LIN7A: variants seen among roughly 807,000 people sequenced by gnomAD.
LIN7A encodes protein lin-7 homolog A.
Under a neutral mutation model 29.8 loss-of-function variants are expected in LIN7A, and 25 were observed. The ratio of observed to expected loss-of-function variants is 0.84; its 90% confidence interval spans 0.61 to 1.17. The LOEUF is 1.17. Among genes scored for constraint, LIN7A ranks in the 50% most tolerant of loss-of-function variants. The pLI, the probability that LIN7A is intolerant of heterozygous loss-of-function variation, is 0.00. For missense variants in LIN7A, 239 were observed against 287.0 expected (o/e 0.83, Z 1.21); for synonymous variants, 118 against 107.5 (o/e 1.10, Z -0.60).
At chr12:80,801,826 T>A (rs776468923) in intron 5 of LIN7A, among the ~76,000 whole-genome samples, 1 of 152,064 alleles carries the variant, frequency 6.6e-6, no homozygotes, top group Non-Finnish European at 1.5e-5. Flanking sequence ...CTTCTCCCCT[T>A]TCTTTCCCCG....
intron 1 of LIN7A, among the ~76,000 whole-genome samples, chr12:80,904,204 C>T (rs1876362473): frequency 1.3e-5 from 2 of 152,010 alleles, no homozygotes; most frequent in South Asian, 4.1e-4. Context: ...ATTGCACACA[C>T]ATTATATACA....
intron 1 of LIN7A, among the ~76,000 whole-genome samples, chr12:80,906,403 C>T (rs1268096776): frequency 6.6e-6 from 1 of 152,142 alleles, no homozygotes; most frequent in Non-Finnish European, 1.5e-5. Context: ...AGAGTGGATT[C>T]ACCTAGTGAT....
chr12:80,900,643 T>C (rs1283322854), intron 1 of LIN7A, among the ~76,000 whole-genome samples: 2 of 152,196 alleles, frequency 1.3e-5, no homozygotes, highest in Non-Finnish European at 2.9e-5. Flanking sequence ...ATGATGTTGG[T>C]TTTTTAATTT....
At chr12:80,832,106 G>C (rs1363854907) in intron 4 of LIN7A, among the ~76,000 whole-genome samples, 1 of 152,126 alleles carries the variant, frequency 6.6e-6, no homozygotes, top group Non-Finnish European at 1.5e-5. Context: ...GTGAGGCTTT[G>C]GCATATTTCT....
chr12:80,930,264 G>T (rs961081149), intron 1 of LIN7A, among the ~76,000 whole-genome samples: 2 of 152,040 alleles, frequency 1.3e-5, no homozygotes, highest in African/African-American at 4.8e-5. Flanking sequence ...AATCCCTCAT[G>T]ATTTTTTTCA....
chr12:80,937,765 CG>C lies in LIN7A; in HGVS notation c.-44del, dbSNP rs1878327958. ...GAGAAAAAAAGGAGGAGATTGGGGG[CG>C]GGGGTGGAGAGGGAAGACGGAAAGG... is the stretch of plus-strand genomic sequence containing the variant. On this transcript the variant is annotated 5_prime_UTR_variant, in exon 1 of 6. Coordinates refer to ENST00000552864, the MANE Select transcript of LIN7A (RefSeq NM_004664.4). The C allele has an allele frequency of 3.8e-5, 5 of 131,648 alleles. No homozygotes were observed. Among genetic ancestry groups the C allele is most frequent in the Admixed American group, 2.5e-4 (1 of 4,052 alleles). The allele number at this position is 131,648 out of a possible 1,614,324, so 8.2% of individuals were successfully genotyped here. A position where few individuals can be genotyped will look rare whatever the true frequency, so the allele number is the denominator to read the frequency against.
At chr12:80,853,387 G>A (rs1006325625) in intron 2 of LIN7A, among the ~76,000 whole-genome samples, 6 of 151,522 alleles carry the variant, frequency 4.0e-5, no homozygotes, top group Non-Finnish European at 5.9e-5. Context: ...GAAAAGACAA[G>A]CCAACTGGCA....
chr12:80,880,199 G>T lies in LIN7A; in HGVS notation c.201+9052C>A, dbSNP rs569797845. On this transcript the variant is annotated intron_variant, in intron 2 of 5. Transcript: ENST00000552864. ...TACCTGTAATTTCTTCCTCCAAAAT[G>T]ACAGTTGTTTCCAGAGCCACCCTAC... Among the ~76,000 whole-genome samples, 43 of 152,162 alleles carry T rather than the reference G, an allele frequency of 2.8e-4. No individual in the cohort carries two copies. The South Asian group carries it at 3.5e-3, about 12-fold the overall frequency.
At chr12:80,848,419 A>T (rs1014357526) in intron 2 of LIN7A, 97 bp from the exon 3 acceptor site, 1 of 892,782 alleles carries the variant, frequency 1.1e-6, no homozygotes, top group South Asian at 1.5e-5. Flanking sequence ...GTAGGAAAAA[A>T]ATTCTCTATT....
chr12:80,832,782 G>C (rs866370203), intron 4 of LIN7A, among the ~76,000 whole-genome samples: 1 of 152,024 alleles, frequency 6.6e-6, no homozygotes, highest in African/African-American at 2.4e-5. Flanking sequence ...TTTTAATATT[G>C]TAGCTACTAT....
At chr12:80,884,308 T>G (rs2120610120) in intron 2 of LIN7A, among the ~76,000 whole-genome samples, 1 of 152,316 alleles carries the variant, frequency 6.6e-6, no homozygotes, top group South Asian at 2.1e-4. Flanking sequence ...TATCAATGTG[T>G]GTCAGGAGAG....
intron 1 of LIN7A, among the ~76,000 whole-genome samples, chr12:80,907,055 C>CTGTGTGTGTGTG (rs529376132): frequency 1.2e-4 from 17 of 145,388 alleles, no homozygotes; most frequent in South Asian, 2.2e-4. Context: ...AGTGCGTGCT[C>CTGTGTGTGTGTG]TGTGTGTGTG....
At chr12:80,909,204 C>T (rs1285243083) in intron 1 of LIN7A, among the ~76,000 whole-genome samples, 2 of 151,976 alleles carry the variant, frequency 1.3e-5, no homozygotes, top group Non-Finnish European at 2.9e-5. Context: ...TTTACAGTAC[C>T]ATTATTGAAG....
chr12:80,833,519 C>T (rs186963641), intron 4 of LIN7A, among the ~76,000 whole-genome samples: 4 of 152,304 alleles, frequency 2.6e-5, no homozygotes, highest in Non-Finnish European at 5.9e-5. Flanking sequence ...ACCCTATGCC[C>T]ACATGTTGGC....
intron 4 of LIN7A, among the ~76,000 whole-genome samples, chr12:80,817,705 C>T (rs1423496104): frequency 6.6e-6 from 1 of 152,092 alleles, no homozygotes; most frequent in Non-Finnish European, 1.5e-5. Flanking sequence ...GAAATAATCT[C>T]ATTTATGTCC....
At chr12:80,935,750 AGG>A (rs1878177389) in intron 1 of LIN7A, 1 of 488,238 alleles carries the variant, frequency 2.0e-6, no homozygotes, top group Non-Finnish European at 4.4e-6. Context: ...ACTCATCCAC[AGG>A]GTAAACCTGC....
chr12:80,917,287 AC>A (rs1485335174), intron 1 of LIN7A, among the ~76,000 whole-genome samples: 17 of 152,278 alleles, frequency 1.1e-4, no homozygotes, highest in African/African-American at 3.6e-4. Context: ...ATTCCATAAA[AC>A]CCATCAGGCC....
chr12:80,893,944 C>T (rs1188866407), intron 1 of LIN7A, among the ~76,000 whole-genome samples: 2 of 152,116 alleles, frequency 1.3e-5, no homozygotes, highest in Admixed American at 6.5e-5. Flanking sequence ...TGGGAGAGAT[C>T]AAGTTCCTCC....
Position 80,845,796 on chromosome 12 carries a change from A to C in LIN7A, c.417T>G (p.Pro139=), listed in dbSNP as rs761781509. 6 of 1,613,908 alleles carry C rather than the reference A, an allele frequency of 3.7e-6. No homozygotes were observed. The highest frequency in any genetic ancestry group is 1.3e-5 in the African/African-American group (1 of 74,914). ...CTCCGTGTCTTTCAGCCACCCCTCC[A>C]GGAATTATGCGAGAGATATAAATGG... is the stretch of plus-strand genomic sequence containing the variant. The part of the protein sequence containing the change: ...NSPIYISRII[P]GGVAERHGGL... Residue 139 remains proline, a synonymous_variant, in exon 4 of 6, where the codon CCT becomes CCG. Transcript: ENST00000552864.
Sources: allele counts gnomAD v4.1 joint callset (sites outside exome capture counted in the v4.1 genomes callset), GRCh38; gene constraint gnomAD v4.1.1; transcripts MANE v1.5; gene names NCBI Gene and HGNC (gene_info 2026-07-23, HGNC 2026-07-21).